The following SPECC1 variants were observed in gnomAD, a reference collection of about 807,000 sequenced individuals.
SPECC1 encodes the protein cytospin-B.
In SPECC1, 62 loss-of-function variants were observed where a neutral mutation model predicts 104.1. The observed-to-expected ratio is 0.60, with a 90% confidence interval of 0.49 to 0.74. The LOEUF (loss-of-function observed/expected upper bound fraction) is 0.74. Ranked by LOEUF, SPECC1 falls within the 30% of genes least tolerant of loss-of-function variation. The pLI is 0.00. For missense variants in SPECC1, 1,306 were observed against 1,310.5 expected (o/e 1.00, Z 0.05); for synonymous variants, 513 against 501.6 (o/e 1.02, Z -0.30).
chr17:20,301,409 A>T (rs1487914698), intron 13 of SPECC1, among the ~76,000 whole-genome samples: 34 of 141,940 alleles, frequency 2.4e-4, no homozygotes, highest in African/African-American at 8.2e-4. Context: ...GTGCCAGGGC[A>T]TTTTTTTTTT....
At position 20,318,144 on chromosome 17, in the gene SPECC1, G is replaced by C; in HGVS notation, c.*4079G>C. ...TTTAAAATTCTTCAGTTGTTCTGAA[G>C]ATCCTTTTTTTAATGTATCATTTTT... On this transcript the variant is annotated 3_prime_UTR_variant, in exon 15 of 15. Coordinates refer to ENST00000395527, the MANE Select transcript of SPECC1 (RefSeq NM_001243439.2). 4.3e-6 allele frequency: 1 copy of C among 231,348 alleles called. No homozygotes were observed. The highest frequency in any genetic ancestry group is 8.6e-6 in the Non-Finnish European group (1 of 116,926). 14.3% of individuals were successfully genotyped at this position (231,348 alleles called of 1,614,324 possible). A position where few individuals can be genotyped will look rare whatever the true frequency, so the allele number is the denominator to read the frequency against.
intron 3 of SPECC1, among the ~76,000 whole-genome samples, chr17:20,182,859 C>T (rs1365220038): frequency 6.6e-6 from 1 of 152,136 alleles, no homozygotes. Context: ...AGAACCTAGC[C>T]ATCTGGCCAC....
intron 13 of SPECC1, among the ~76,000 whole-genome samples, chr17:20,304,907 G>A (rs940091524): frequency 1.7e-4 from 26 of 152,110 alleles, no homozygotes; most frequent in African/African-American, 6.0e-4. Context: ...CAGTCAGAAT[G>A]GGCAAGAGGC....
At chr17:20,051,343 T>A (rs2045769624) in intron 1 of SPECC1, among the ~76,000 whole-genome samples, 2 of 151,848 alleles carry the variant, frequency 1.3e-5, no homozygotes, top group Non-Finnish European at 2.9e-5. Context: ...GCCTGGATAA[T>A]TTCTGTATTT....
At chr17:20,132,652 G>A (rs1413373297) in intron 3 of SPECC1, among the ~76,000 whole-genome samples, 3 of 151,434 alleles carry the variant, frequency 2.0e-5, no homozygotes, top group Non-Finnish European at 4.4e-5. Flanking sequence ...TTAATATTGA[G>A]TGAGTTGTAT....
chr17:20,021,702 A>ATTTTTT (rs1187795523), intron 1 of SPECC1, among the ~76,000 whole-genome samples: 1,435 of 139,186 alleles, frequency 0.01, 23 homozygotes, highest in African/African-American at 0.036. Context: ...ATATATATAT[A>ATTTTTT]TTTTTTTGTA....
chr17:20,308,032 G>T (rs75900334), intron 14 of SPECC1, among the ~76,000 whole-genome samples: 4,228 of 152,182 alleles, frequency 0.028, 183 homozygotes, highest in African/African-American at 0.096. Flanking sequence ...TGGTCAATGA[G>T]GATTTTTAAA....
rs531922855 is a variant in SPECC1 at position 20,098,426 on chromosome 17, G to A, written c.147+1628G>A. Among the ~76,000 whole-genome samples the A allele has an allele frequency of 4.6e-5, 7 of 152,280 alleles. No individual in the cohort carries two copies. In the South Asian group the frequency reaches 1.2e-3, roughly 27 times the overall value. ...CCCACCCTTCTGTGCCCTAGTCCTG[G>A]TCCTTGGAACACCTGAGTCATGTCA... On this transcript the variant is annotated intron_variant, in intron 2 of 14. Coordinates refer to ENST00000395527, the MANE Select transcript of SPECC1 (RefSeq NM_001243439.2).
intron 1 of SPECC1, among the ~76,000 whole-genome samples, chr17:20,095,434 G>C (rs1034878339): frequency 1.3e-5 from 2 of 152,242 alleles, no homozygotes; most frequent in African/African-American, 4.8e-5. Context: ...CAGCTCTGCA[G>C]CGTGAGCTCA....
At position 20,257,528 on chromosome 17, in the gene SPECC1, A is replaced by G. The variant is rs1358719186; in HGVS notation, c.2758A>G (p.Arg920Gly). The change falls in exon 11 of 15, where the codon AGA becomes GGA. Residue 920 changes from arginine to glycine, a missense_variant. Arg to Gly is a moderately radical substitution (Grantham distance 125, BLOSUM62 -2). Around this residue, in one of 2 missense-constraint regions of SPECC1, gnomAD observed 1,177 missense variants for 1,139.9 expected, o/e 1.03. Coordinates refer to ENST00000395527, the MANE Select transcript of SPECC1 (RefSeq NM_001243439.2). The part of the protein sequence containing the change: ...RKSPSLESLS[R>G]PPSLGFGDTR... ...GAGTCCCTCACTAGAGTCACTGAGC[A>G]GACCCCCGTCTCTGGGCTTTGGGGA... 1.2e-6 allele frequency: 2 copies of G among 1,613,620 alleles called. No homozygotes were observed. Among genetic ancestry groups the G allele is most frequent in the Admixed American group, 3.3e-5 (2 of 59,836 alleles).
At chr17:20,055,589 A>G (rs2045932058) in intron 1 of SPECC1, among the ~76,000 whole-genome samples, 1 of 152,220 alleles carries the variant, frequency 6.6e-6, no homozygotes, top group Non-Finnish European at 1.5e-5. Context: ...CTTTTAGTCT[A>G]GCAGATAGGG....
intron 3 of SPECC1, among the ~76,000 whole-genome samples, chr17:20,180,416 C>T (rs572426789): frequency 6.6e-6 from 1 of 151,974 alleles, no homozygotes; most frequent in Non-Finnish European, 1.5e-5. Context: ...TGGTAGAAAC[C>T]AAAAATATAA....
At chr17:20,106,388 G>T (rs1413153391) in intron 2 of SPECC1, among the ~76,000 whole-genome samples, 1 of 152,132 alleles carries the variant, frequency 6.6e-6, no homozygotes, top group Non-Finnish European at 1.5e-5. Context: ...ACTCTGAGAT[G>T]GGAAGTGGAA....
In SPECC1 at chr17:20,174,495, G is replaced by A. The variant is rs116912776; in HGVS notation, c.284-29838G>A. Among the ~76,000 whole-genome samples the A allele has an allele frequency of 5.8e-4, 88 of 152,160 alleles. No individual in the cohort carries two copies. In the East Asian group the frequency reaches 0.016, roughly 27 times the overall value. On this transcript the variant is annotated intron_variant, in intron 3 of 14. Transcript: ENST00000395527. Reference sequence around the variant, plus strand: ...GTGAGGGAAGCCGGTTGGGCAGAGGGAGAAGCTAAGATGGATGCAGCTGCG... The same window carrying A: ...GTGAGGGAAGCCGGTTGGGCAGAGGAAGAAGCTAAGATGGATGCAGCTGCG...
At chr17:20,101,186 T>A (rs1204634007) in intron 2 of SPECC1, among the ~76,000 whole-genome samples, 1 of 152,220 alleles carries the variant, frequency 6.6e-6, no homozygotes, top group Admixed American at 6.5e-5. Flanking sequence ...TACCCAATAA[T>A]GAGATTGCTG....
chr17:20,098,053 C>T (rs2047736253), intron 2 of SPECC1, among the ~76,000 whole-genome samples: 1 of 152,190 alleles, frequency 6.6e-6, no homozygotes, highest in African/African-American at 2.4e-5. Flanking sequence ...TTTTAACACT[C>T]TAAGTGGATA....
chr17:20,191,335 G>A (rs935053448), intron 3 of SPECC1, among the ~76,000 whole-genome samples: 2 of 152,224 alleles, frequency 1.3e-5, no homozygotes, highest in Non-Finnish European at 2.9e-5. Context: ...ATTATTTTGC[G>A]TTCCTACCAG....
At chr17:20,152,872 T>C (rs959070510) in intron 3 of SPECC1, among the ~76,000 whole-genome samples, 3 of 152,274 alleles carry the variant, frequency 2.0e-5, no homozygotes, top group Admixed American at 2.0e-4. Flanking sequence ...TTCACCATGT[T>C]GGCCAGATGG....
At chr17:20,221,240 T>C (rs1267020060) in intron 4 of SPECC1, among the ~76,000 whole-genome samples, 4 of 152,220 alleles carry the variant, frequency 2.6e-5, no homozygotes, top group Non-Finnish European at 1.5e-5. Context: ...ATAGGATTGG[T>C]ATTTTTCTTT....
Sources: gnomAD v4.1 joint callset for allele counts (sites outside exome capture counted in the v4.1 genomes callset) on GRCh38, gnomAD v4.1.1 for gene constraint, gnomAD v4.1.1 regional missense constraint, MANE v1.5 for transcripts, NCBI Gene and HGNC (gene_info 2026-07-23, HGNC 2026-07-21) for gene names.